Variants in GAB2 observed in about 807,000 individuals in gnomAD.
The protein encoded by GAB2 is GRB2 associated binding protein 2.
GAB2 carries 26 observed loss-of-function variants against 65.5 expected under a neutral mutation model. That is an observed-to-expected ratio of 0.40 (90% CI 0.29 to 0.55). The LOEUF (loss-of-function observed/expected upper bound fraction) is 0.55, where lower values mean the gene tolerates loss of function less well. Among genes scored for constraint, GAB2 ranks in the 20% least tolerant of loss-of-function variants. The probability of loss-of-function intolerance (pLI) is 0.53; values close to 1 mark genes in which losing one functional copy is unlikely to be tolerated. For synonymous variants in GAB2, 321 were observed against 329.6 expected, an observed-to-expected ratio of 0.97 and a Z score of 0.28; for missense variants, 884 against 875.8, an observed-to-expected ratio of 1.01 and a Z score of -0.12.
intron 1 of GAB2, among the ~76,000 whole-genome samples, chr11:78,411,327 CT>C (rs1343060881): frequency 1.3e-5 from 2 of 152,146 alleles, no homozygotes; most frequent in Non-Finnish European, 2.9e-5. Flanking sequence ...CTCAGCAAGA[CT>C]TTCTTTTTTT....
intron 3 of GAB2, among the ~76,000 whole-genome samples, chr11:78,242,232 G>A (rs1033083367): frequency 6.6e-5 from 10 of 152,352 alleles, no homozygotes; most frequent in African/African-American, 2.4e-4. Flanking sequence ...GCCGGGTGTG[G>A]TGGCTCATGC....
chr11:78,257,901 A>G (rs1865635556), intron 2 of GAB2, among the ~76,000 whole-genome samples: 1 of 152,108 alleles, frequency 6.6e-6, no homozygotes, highest in Admixed American at 6.5e-5. Context: ...GGCATAGCCT[A>G]GATCTGAATC....
chr11:78,356,526 A>G (rs1348451960), intron 1 of GAB2, among the ~76,000 whole-genome samples: 1 of 152,240 alleles, frequency 6.6e-6, no homozygotes, highest in Non-Finnish European at 1.5e-5. Context: ...AAGAAAGTCA[A>G]ATTATGTTCT....
chr11:78,300,685 GTTTT>G (rs763136988), intron 1 of GAB2, among the ~76,000 whole-genome samples: 29 of 120,662 alleles, frequency 2.4e-4, no homozygotes, highest in African/African-American at 8.1e-4. Context: ...TTTTTTTTTG[GTTTT>G]TTTTTGTTTT....
At chr11:78,302,503 A>T (rs963524236) in intron 1 of GAB2, among the ~76,000 whole-genome samples, 2 of 152,184 alleles carry the variant, frequency 1.3e-5, no homozygotes, top group African/African-American at 4.8e-5. Context: ...CTCCTGCAAG[A>T]ATGGCCATTA....
In GAB2 at chr11:78,342,525, C is replaced by CA. The variant is rs375766720; in HGVS notation, c.76-61625dup. ...CCGGTTTCACGCCATTCTTCTGCCT[C>CA]AGTCTCCCGAGTAGCTGGGACTACA... On this transcript the variant is annotated intron_variant, in intron 1 of 9. Coordinates refer to ENST00000361507, the MANE Select transcript of GAB2 (RefSeq NM_080491.3). Among the ~76,000 whole-genome samples the CA allele has an allele frequency of 2.1e-3, 324 of 151,508 alleles. 1 individual carries two copies. Among genetic ancestry groups the CA allele is most frequent in the African/African-American group, 6.9e-3 (285 of 41,286 alleles).
intron 1 of GAB2, among the ~76,000 whole-genome samples, chr11:78,342,870 A>G (rs1856122033): frequency 6.6e-6 from 1 of 152,214 alleles, no homozygotes; most frequent in South Asian, 2.1e-4. Context: ...TTGCTGAAAT[A>G]ATAAAATACT....
intron 1 of GAB2, among the ~76,000 whole-genome samples, chr11:78,402,299 CTTTTTCTTCTCTA>C: frequency 7.4e-6 from 1 of 134,974 alleles, no homozygotes; most frequent in African/African-American, 3.9e-5. Flanking sequence ...GAAGCCTTTG[CTTTTTCTTCTCTA>C]GGAAGCCTTT....
At chr11:78,386,581 T>C (rs944496770) in intron 1 of GAB2, among the ~76,000 whole-genome samples, 2 of 152,186 alleles carry the variant, frequency 1.3e-5, no homozygotes, top group Non-Finnish European at 2.9e-5. Flanking sequence ...GGGAGGCCTG[T>C]CCTTATGGCT....
Position 78,412,148 on chromosome 11 carries a change from A to AAAC in GAB2, c.75+5495_75+5497dup, listed in dbSNP as rs532478076. Reference sequence around the variant, plus strand: ...AGCAAAACTCCATCTCAAAAAAAAAAAACCTATATATAAAATACTCAAATT... The same window carrying AAAC: ...AGCAAAACTCCATCTCAAAAAAAAAAAACAACCTATATATAAAATACTCAAATT... On this transcript the variant is annotated intron_variant, in intron 1 of 9. Transcript: ENST00000361507. Among the ~76,000 whole-genome samples the AAAC allele has an allele frequency of 9.1e-4, 138 of 152,162 alleles. 1 individual carries two copies. Among genetic ancestry groups the AAAC allele is most frequent in the African/African-American group, 3.3e-3 (135 of 41,516 alleles).
chr11:78,327,122 A>G (rs531417489), intron 1 of GAB2, among the ~76,000 whole-genome samples: 2 of 152,330 alleles, frequency 1.3e-5, no homozygotes, highest in South Asian at 4.1e-4. Flanking sequence ...ATACGTACTG[A>G]GCATCTGTGG....
chr11:78,413,760 C>G (rs1857158315), intron 1 of GAB2, among the ~76,000 whole-genome samples: 1 of 152,128 alleles, frequency 6.6e-6, no homozygotes, highest in Non-Finnish European at 1.5e-5. Flanking sequence ...AGAAGTGGCA[C>G]TTCATCTACT....
chr11:78,256,615 T>C (rs529937449), intron 2 of GAB2, among the ~76,000 whole-genome samples: 16 of 151,938 alleles, frequency 1.1e-4, no homozygotes, highest in African/African-American at 3.9e-4. Context: ...TGCTGTGAGA[T>C]CATGTGTGGT....
intron 1 of GAB2, among the ~76,000 whole-genome samples, chr11:78,343,550 G>A (rs1856133984): frequency 6.6e-6 from 1 of 152,276 alleles, no homozygotes; most frequent in South Asian, 2.1e-4. Context: ...GTACATTATT[G>A]TAGACATACT....
chr11:78,273,423 G>C (rs1331882145), intron 2 of GAB2, among the ~76,000 whole-genome samples: 2 of 146,560 alleles, frequency 1.4e-5, no homozygotes, highest in East Asian at 4.7e-4. Context: ...TCATTTTGGA[G>C]CTTTAAGATT....
At chr11:78,335,894 T>C (rs12281104) in intron 1 of GAB2, among the ~76,000 whole-genome samples, 38,538 of 152,056 alleles carry the variant, frequency 0.25, 5,528 homozygotes, top group East Asian at 0.41. Context: ...TTCTGGTGCC[T>C]TCTTTAGTTT....
At chr11:78,381,261 A>T (rs2134738693) in intron 1 of GAB2, among the ~76,000 whole-genome samples, 1 of 152,300 alleles carries the variant, frequency 6.6e-6, no homozygotes, top group South Asian at 2.1e-4. Flanking sequence ...TTAATCTCTC[A>T]ATTCCTCACT....
At chr11:78,319,542 A>G (rs952932597) in intron 1 of GAB2, among the ~76,000 whole-genome samples, 8 of 152,218 alleles carry the variant, frequency 5.3e-5, no homozygotes, top group African/African-American at 1.7e-4. Context: ...TAGGCTTGGT[A>G]ACATTCATCT....
chr11:78,242,506 CA>C (rs941047736), intron 3 of GAB2, among the ~76,000 whole-genome samples: 9 of 132,330 alleles, frequency 6.8e-5, no homozygotes, highest in Admixed American at 7.3e-5. Flanking sequence ...CGTCTCAAAA[CA>C]AAAAAAAAAG....
Sources: allele counts gnomAD v4.1 joint callset (sites outside exome capture counted in the v4.1 genomes callset), GRCh38; gene constraint gnomAD v4.1.1; transcripts MANE v1.5; gene names NCBI Gene and HGNC (gene_info 2026-07-23, HGNC 2026-07-21).